CNTNAP5: variants seen among roughly 807,000 people sequenced by gnomAD.
CNTNAP5 encodes contactin associated protein family member 5, also known as contactin-associated protein-like 5.
CNTNAP5 carries 72 observed loss-of-function variants against 150.2 expected under a neutral mutation model. The ratio of observed to expected loss-of-function variants is 0.48; its 90% CI spans 0.40 to 0.58. The LOEUF is 0.58. Among genes scored for constraint, CNTNAP5 ranks in the 20% least tolerant of loss-of-function variants. CNTNAP5 has a pLI of 0.00. For synonymous variants in CNTNAP5, 672 were observed against 619.8 expected (o/e 1.08, Z -1.25); for missense variants, 1,636 against 1,626.2 (o/e 1.01, Z -0.10).
At chr2:124,309,418 A>G (rs576272383) in intron 3 of CNTNAP5, among the ~76,000 whole-genome samples, 7 of 152,344 alleles carry the variant, frequency 4.6e-5, no homozygotes, top group Admixed American at 3.9e-4. Context: ...TAGAGGAGGC[A>G]TGTCAGGAGT....
At chr2:124,770,858 C>T (rs762889346) in intron 16 of CNTNAP5, among the ~76,000 whole-genome samples, 1 of 152,168 alleles carries the variant, frequency 6.6e-6, no homozygotes, top group Admixed American at 6.5e-5. Context: ...TATCAGGATT[C>T]GTGTCTAAAT....
At chr2:124,143,760 C>T (rs1238791877) in intron 1 of CNTNAP5, among the ~76,000 whole-genome samples, 4 of 134,742 alleles carry the variant, frequency 3.0e-5, no homozygotes, top group Non-Finnish European at 6.2e-5. Flanking sequence ...CTCACTGCTC[C>T]TATTCAACAT....
At chr2:124,201,984 T>C (rs2104710873) in intron 1 of CNTNAP5, among the ~76,000 whole-genome samples, 1 of 152,292 alleles carries the variant, frequency 6.6e-6, no homozygotes, top group Non-Finnish European at 1.5e-5. Flanking sequence ...AGTGTTTGCG[T>C]AATCAAAATC....
chr2:124,683,568 A>G (rs956794129), intron 13 of CNTNAP5, among the ~76,000 whole-genome samples: 2 of 152,056 alleles, frequency 1.3e-5, no homozygotes, highest in Admixed American at 6.6e-5. Context: ...CACAAAGTCC[A>G]TTGTATCATT....
chr2:124,245,833 T>C (rs1201851112), intron 3 of CNTNAP5, among the ~76,000 whole-genome samples: 1 of 151,996 alleles, frequency 6.6e-6, no homozygotes, highest in African/African-American at 2.4e-5. Context: ...TGGGCTCAAG[T>C]AATCCTCCCA....
chr2:124,857,420 T>G lies in CNTNAP5; in HGVS notation c.3218-7886T>G, dbSNP rs114073610. On this transcript the variant is annotated intron_variant, in intron 19 of 23. Transcript: ENST00000682447. ...TTTTCTGAGGTGTTACAGCCTCAGA[T>G]GCAGGTGAGAAGGAGGCTAAACCAG... Among the ~76,000 whole-genome samples the G allele has an allele frequency of 5.7e-3, 864 of 152,156 alleles. 13 individuals are homozygous for G. Among genetic ancestry groups the G allele is most frequent in the African/African-American group, 0.019 (788 of 41,512 alleles).
intron 3 of CNTNAP5, among the ~76,000 whole-genome samples, chr2:124,395,815 A>G (rs1246015347): frequency 1.3e-5 from 2 of 152,150 alleles, no homozygotes; most frequent in Non-Finnish European, 2.9e-5. Context: ...ATACACACTC[A>G]CCATCCTCTT....
intron 13 of CNTNAP5, among the ~76,000 whole-genome samples, chr2:124,661,534 T>A (rs1678590566): frequency 6.7e-6 from 1 of 149,426 alleles, no homozygotes; most frequent in East Asian, 1.9e-4. Flanking sequence ...TTTTCTGGAA[T>A]TCCCCCGAAG....
intron 13 of CNTNAP5, among the ~76,000 whole-genome samples, chr2:124,743,701 G>T (rs936022799): frequency 1.3e-5 from 2 of 152,122 alleles, no homozygotes; most frequent in Non-Finnish European, 2.9e-5. Flanking sequence ...ATACATTTTG[G>T]CTTGGAACAG....
At chr2:124,218,623 C>T (rs916943871) in intron 1 of CNTNAP5, among the ~76,000 whole-genome samples, 5 of 152,172 alleles carry the variant, frequency 3.3e-5, no homozygotes, top group Non-Finnish European at 7.4e-5. Flanking sequence ...ACAACTGTCC[C>T]TGGAAACTGA....
chr2:124,453,660 A>C (rs1012927888), intron 6 of CNTNAP5, among the ~76,000 whole-genome samples: 4 of 152,230 alleles, frequency 2.6e-5, no homozygotes, highest in African/African-American at 9.6e-5. Context: ...ACAAAGGAAA[A>C]CCTATCAGAT....
chr2:124,714,866 G>T (rs1014130904), intron 13 of CNTNAP5, among the ~76,000 whole-genome samples: 1 of 151,964 alleles, frequency 6.6e-6, no homozygotes, highest in Non-Finnish European at 1.5e-5. Flanking sequence ...AAAACCTCTG[G>T]TCTATCAAGA....
chr2:124,319,991 G>A (rs1171291646), intron 3 of CNTNAP5, among the ~76,000 whole-genome samples: 1 of 152,154 alleles, frequency 6.6e-6, no homozygotes, highest in African/African-American at 2.4e-5. Flanking sequence ...CAAGTCAATA[G>A]ATATGATACC....
intron 11 of CNTNAP5, among the ~76,000 whole-genome samples, chr2:124,601,668 T>A (rs572702838): frequency 6.8e-6 from 1 of 147,076 alleles, no homozygotes; most frequent in Non-Finnish European, 1.5e-5. Context: ...CATCACGTGC[T>A]ATTAGAGAAA....
chr2:124,380,081 T>A (rs1332864872), intron 3 of CNTNAP5, among the ~76,000 whole-genome samples: 2 of 152,174 alleles, frequency 1.3e-5, no homozygotes, highest in African/African-American at 4.8e-5. Flanking sequence ...TTCCTAGTTA[T>A]TAATTTACTG....
chr2:124,362,199 G>A (rs190945246), intron 3 of CNTNAP5, among the ~76,000 whole-genome samples: 447 of 152,288 alleles, frequency 2.9e-3, no homozygotes, highest in African/African-American at 9.5e-3. Flanking sequence ...GCTGACCTGC[G>A]CCCACTGTCT....
At chr2:124,136,330 G>C (rs1683971283) in intron 1 of CNTNAP5, among the ~76,000 whole-genome samples, 1 of 152,140 alleles carries the variant, frequency 6.6e-6, no homozygotes. Context: ...GGGGAGAAGT[G>C]AAACAGCTAC....
chr2:124,056,627 C>G (rs1025150143), intron 1 of CNTNAP5, among the ~76,000 whole-genome samples: 6 of 152,096 alleles, frequency 3.9e-5, no homozygotes, highest in African/African-American at 1.2e-4. Flanking sequence ...GCCTGGGTGA[C>G]AGAGCGAGAC....
chr2:124,665,342 AT>A, intron 13 of CNTNAP5, among the ~76,000 whole-genome samples: 1 of 152,348 alleles, frequency 6.6e-6, no homozygotes, highest in East Asian at 1.9e-4. Context: ...AATATCCTGA[AT>A]TTTAGTTTCA....
Sources: gnomAD v4.1 joint callset for allele counts (sites outside exome capture counted in the v4.1 genomes callset) on GRCh38, gnomAD v4.1.1 for gene constraint, MANE v1.5 for transcripts, NCBI Gene and HGNC (gene_info 2026-07-23, HGNC 2026-07-21) for gene names.